ADAM20: variants seen among roughly 807,000 people sequenced by gnomAD.
The protein encoded by ADAM20 is disintegrin and metalloproteinase domain-containing protein 20.
For missense variants in ADAM20, 871 were observed against 883.2 expected (o/e 0.99, Z 0.18); for synonymous variants, 305 against 310.2 (o/e 0.98, Z 0.18).
At chr14:70,578,513 G>A in the ADAM20 span, among the ~76,000 whole-genome samples, 4 of 152,208 alleles carry the variant, frequency 2.6e-5, no homozygotes, top group African/African-American at 9.6e-5. Flanking sequence ...TTGAACTACA[G>A]CGTCTGCACA....
chr14:70,557,319 G>A, the ADAM20 span: 1 of 152,184 alleles, frequency 6.6e-6, no homozygotes, highest in African/African-American at 2.4e-5. Flanking sequence ...ACTGCAAATT[G>A]GAGAAATGTC....
At chr14:70,577,275 T>C in the ADAM20 span, among the ~76,000 whole-genome samples, 1 of 152,112 alleles carries the variant, frequency 6.6e-6, no homozygotes, top group Admixed American at 6.5e-5. Context: ...AATAATATCA[T>C]GAAAAAGTGG....
rs1352435072 is a variant in ADAM20 at position 70,523,603 on chromosome 14, C to T, written c.1155G>A (p.Trp385Ter). ...KFSNCSYAQY[W>*]DSTISSGLCI... ...ATAATCCACTACTGATAGTACTGTC[C>T]CAATATTGGGCATAACTGCAGTTGC... Residue 385 changes from tryptophan to a stop codon, truncating the protein, a stop_gained, in exon 2 of 2, where the codon TGG becomes TGA. Coordinates refer to ENST00000256389, the MANE Select transcript of ADAM20 (RefSeq NM_003814.5). LOFTEE classifies it low-confidence loss of function (END_TRUNC). 3.1e-6 allele frequency: 5 copies of T among 1,613,882 alleles called. No individual in the cohort carries two copies. In the African/African-American group the frequency reaches 5.3e-5, roughly 17 times the overall value.
In ADAM20 at chr14:70,523,253, A is replaced by G. The variant is rs1311860598; in HGVS notation, c.1505T>C (p.Phe502Ser). ...QDGISCNVNA[F>S]CYEKTCNNHD... is the part of the protein sequence containing the mutation. ...GTTATTACACGTCTTTTCATAGCAGAAGGCATTCACATTACAGGAGATCCC... is the reference window on the plus strand; with the variant it reads ...GTTATTACACGTCTTTTCATAGCAGGAGGCATTCACATTACAGGAGATCCC... Residue 502 changes from phenylalanine to serine, a missense_variant, in exon 2 of 2, where the codon TTC (phenylalanine) becomes TCC (serine). Phe to Ser is a radical substitution (Grantham distance 155). Coordinates refer to ENST00000256389, the MANE Select transcript of ADAM20 (RefSeq NM_003814.5). 7.4e-6 allele frequency: 12 copies of G among 1,613,918 alleles called. No homozygotes were observed. The highest frequency in any genetic ancestry group is 1.3e-5 in the African/African-American group (1 of 74,906).
the ADAM20 span, chr14:70,556,468 C>T: frequency 6.6e-6 from 1 of 152,310 alleles, no homozygotes; most frequent in Non-Finnish European, 1.5e-5. Flanking sequence ...TCTCAGCACC[C>T]CTTTGGAAAA....
At chr14:70,528,188 A>G (rs1162531715) in intron 1 of ADAM20, among the ~76,000 whole-genome samples, 1 of 152,222 alleles carries the variant, frequency 6.6e-6, no homozygotes, top group African/African-American at 2.4e-5. Flanking sequence ...CCTTAATATA[A>G]TTATGTTAAA....
In ADAM20 at chr14:70,523,109, G is replaced by A. The variant is rs1054328977; in HGVS notation, c.1649C>T (p.Thr550Ile). ...RFGHCGIVGT[T>I]YVKCWTPDIM... ...ATCAGGGGTCCAACATTTTACATAT[G>A]TTGTGCCTACAATACCACAGTGACC... The change falls in exon 2 of 2, where the codon ACA (threonine) becomes ATA (isoleucine). Residue 550 changes from threonine (T) to isoleucine (I), a missense_variant. By Grantham distance (89) the Thr-to-Ile change is moderately conservative. Transcript: ENST00000256389. 3 of 1,613,878 alleles carry A rather than the reference G, an allele frequency of 1.9e-6. No homozygotes were observed. The highest frequency in any genetic ancestry group is 1.3e-5 in the African/African-American group (1 of 74,912).
chr14:70,564,900 T>TA, the ADAM20 span, among the ~76,000 whole-genome samples: 1 of 150,868 alleles, frequency 6.6e-6, no homozygotes, highest in Admixed American at 6.6e-5. Context: ...TTTTTTTTGA[T>TA]AGACAGGCAT....
At chr14:70,575,996 C>G in the ADAM20 span, among the ~76,000 whole-genome samples, 2 of 152,108 alleles carry the variant, frequency 1.3e-5, no homozygotes, top group South Asian at 2.1e-4. Context: ...CAGACTAAAG[C>G]TTACGGAATG....
chr14:70,566,423 C>T, the ADAM20 span, among the ~76,000 whole-genome samples: 2 of 151,456 alleles, frequency 1.3e-5, no homozygotes, highest in Admixed American at 1.3e-4. Flanking sequence ...AAAAAACTTA[C>T]AGGAGATACA....
chr14:70,535,955 T>C (rs1226976358), upstream of ADAM20, among the ~76,000 whole-genome samples: 1 of 152,208 alleles, frequency 6.6e-6, no homozygotes. Context: ...AGTCTACTTG[T>C]TGGTATAAAA....
At chr14:70,573,946 A>G in the ADAM20 span, among the ~76,000 whole-genome samples, 2 of 152,248 alleles carry the variant, frequency 1.3e-5, no homozygotes, top group East Asian at 3.8e-4. Flanking sequence ...CCCACTCTCA[A>G]CAGTGGAAAG....
At chr14:70,559,779 C>A in the ADAM20 span, among the ~76,000 whole-genome samples, 1 of 152,110 alleles carries the variant, frequency 6.6e-6, no homozygotes, top group Non-Finnish European at 1.5e-5. Context: ...ATTCTTGCTG[C>A]TCCTTTGACC....
chr14:70,542,853 C>T, the ADAM20 span, among the ~76,000 whole-genome samples: 66 of 151,790 alleles, frequency 4.3e-4, no homozygotes, highest in Middle Eastern at 3.2e-3. Flanking sequence ...GCAGGAGAAT[C>T]GCTTGAACCC....
the ADAM20 span, among the ~76,000 whole-genome samples, chr14:70,545,498 C>A: frequency 1.3e-5 from 2 of 151,228 alleles, no homozygotes; most frequent in African/African-American, 4.9e-5. Flanking sequence ...TAAAGACACA[C>A]AGAGACTAAA....
intron 1 of ADAM20, among the ~76,000 whole-genome samples, chr14:70,534,109 CA>C: frequency 1.2e-5 from 1 of 83,604 alleles, no homozygotes; most frequent in African/African-American, 4.8e-5. Context: ...AAAAAAAAAA[CA>C]CACACACACA....
rs145788093 is a variant in ADAM20, at chr14:70,523,561, T to G, written c.1197A>C (p.Pro399=). The G allele has an allele frequency of 1.2e-6, 2 of 1,614,100 alleles. No homozygotes were observed. The highest frequency in any genetic ancestry group is 1.7e-6 in the Non-Finnish European group (2 of 1,179,968). Residue 399 remains proline, a synonymous_variant, in exon 2 of 2, where the codon CCA becomes CCC. Transcript: ENST00000256389. ...TCAGTCTAAATATATTCCCTGGATA[T>G]GGAGGCGGTTGAATACATAATCCAC... is the stretch of plus-strand genomic sequence containing the variant. ...ISSGLCIQPP[P]YPGNIFRLKY...
the ADAM20 span, among the ~76,000 whole-genome samples, chr14:70,573,172 T>C: frequency 1.3e-5 from 2 of 152,188 alleles, no homozygotes; most frequent in South Asian, 4.1e-4. Flanking sequence ...AGCAAAATCA[T>C]GCAATCAGCC....
intron 1 of ADAM20, among the ~76,000 whole-genome samples, chr14:70,534,103 AAAAAAC>A (rs1342956004): frequency 1.8e-4 from 27 of 147,152 alleles, no homozygotes; most frequent in African/African-American, 6.4e-4. Flanking sequence ...AAAAAAAAAA[AAAAAAC>A]ACACACACAC....
Sources: gnomAD v4.1 joint callset for allele counts (sites outside exome capture counted in the v4.1 genomes callset) on GRCh38, gnomAD v4.1.1 for gene constraint, MANE v1.5 for transcripts, NCBI Gene and HGNC (gene_info 2026-07-23, HGNC 2026-07-21) for gene names.